SUCLG2: variants seen among roughly 807,000 people sequenced by gnomAD.
The protein encoded by SUCLG2 is succinate-CoA ligase GDP-forming subunit beta, also known as succinate--CoA ligase [GDP-forming] subunit beta, mitochondrial.
Under a neutral mutation model 47.9 loss-of-function variants are expected in SUCLG2, and 42 were observed. The ratio of observed to expected loss-of-function variants is 0.88; its 90% CI spans 0.69 to 1.14. The LOEUF is 1.14. SUCLG2 is among the 50% of genes most tolerant of loss of function. The pLI, the probability that SUCLG2 is intolerant of heterozygous loss-of-function variation, is 0.00. For synonymous variants in SUCLG2, 195 were observed against 197.3 expected (o/e 0.99, Z 0.10); for missense variants, 571 against 525.9 (o/e 1.09, Z -0.84).
intron 5 of SUCLG2, among the ~76,000 whole-genome samples, chr3:67,519,554 G>C (rs982913180): frequency 6.6e-6 from 1 of 152,026 alleles, no homozygotes; most frequent in African/African-American, 2.4e-5. Context: ...CATTCAAGTC[G>C]CAGTTTCCAA....
At chr3:67,568,098 C>A (rs763261016) in intron 2 of SUCLG2, among the ~76,000 whole-genome samples, 4 of 152,140 alleles carry the variant, frequency 2.6e-5, no homozygotes, top group Non-Finnish European at 4.4e-5. Flanking sequence ...ACCAGGACAG[C>A]AAAAGAACTG....
At chr3:67,400,347 C>A (rs1702655572) in intron 10 of SUCLG2, among the ~76,000 whole-genome samples, 2 of 151,824 alleles carry the variant, frequency 1.3e-5, no homozygotes, top group Non-Finnish European at 2.9e-5. Context: ...TCAATTAAAT[C>A]AATTAATAAA....
chr3:67,379,391 C>G (rs1320014030), intron 10 of SUCLG2, among the ~76,000 whole-genome samples: 1 of 152,226 alleles, frequency 6.6e-6, no homozygotes, highest in East Asian at 1.9e-4. Context: ...TCCTCCATTT[C>G]AGATCCTGCT....
chr3:67,517,441 A>G (rs1479861978), intron 6 of SUCLG2, among the ~76,000 whole-genome samples: 1 of 152,160 alleles, frequency 6.6e-6, no homozygotes, highest in African/African-American at 2.4e-5. Flanking sequence ...GCACACATAC[A>G]CACAATCTAG....
intron 2 of SUCLG2, among the ~76,000 whole-genome samples, chr3:67,571,134 G>A (rs538610185): frequency 6.6e-6 from 1 of 152,100 alleles, no homozygotes; most frequent in South Asian, 2.1e-4. Context: ...TAATTTACCT[G>A]GTAATTACAG....
chr3:67,478,454 T>C (rs1033093764), intron 9 of SUCLG2, among the ~76,000 whole-genome samples: 2 of 152,210 alleles, frequency 1.3e-5, no homozygotes, highest in Non-Finnish European at 2.9e-5. Context: ...ACATATATAA[T>C]GACCCTTTCG....
At chr3:67,577,081 T>C (rs1219939297) in intron 2 of SUCLG2, among the ~76,000 whole-genome samples, 1 of 152,148 alleles carries the variant, frequency 6.6e-6, no homozygotes, top group Admixed American at 6.5e-5. Context: ...ACACCTGTAA[T>C]CCCAGCATTT....
chr3:67,409,216 T>C (rs994618104), intron 9 of SUCLG2, among the ~76,000 whole-genome samples: 5 of 149,864 alleles, frequency 3.3e-5, no homozygotes, highest in African/African-American at 1.2e-4. Flanking sequence ...GAGTGGGGCC[T>C]GGCCTTCAAA....
intron 6 of SUCLG2, among the ~76,000 whole-genome samples, chr3:67,517,705 G>C (rs1461276203): frequency 3.3e-5 from 5 of 152,202 alleles, no homozygotes; most frequent in Admixed American, 2.6e-4. Context: ...AAAATATCAA[G>C]TTTATGCCAT....
intron 2 of SUCLG2, among the ~76,000 whole-genome samples, chr3:67,556,658 C>A (rs1707168816): frequency 6.6e-6 from 1 of 152,158 alleles, no homozygotes; most frequent in Non-Finnish European, 1.5e-5. Flanking sequence ...AAGTCACAGA[C>A]CTTCTTCCCA....
chr3:67,405,142 A>C (rs2106823755), intron 9 of SUCLG2, among the ~76,000 whole-genome samples: 1 of 152,324 alleles, frequency 6.6e-6, no homozygotes, highest in Non-Finnish European at 1.5e-5. Context: ...CTAATGAGGC[A>C]GTTGAAGTGC....
At chr3:67,397,646 C>A in intron 10 of SUCLG2, among the ~76,000 whole-genome samples, 1 of 152,124 alleles carries the variant, frequency 6.6e-6, no homozygotes, top group Non-Finnish European at 1.5e-5. Flanking sequence ...CAATGACTTT[C>A]TTCACAGAAT....
intron 3 of SUCLG2, 74 bp from the exon 4 acceptor site, chr3:67,528,296 C>G: frequency 7.5e-7 from 1 of 1,333,102 alleles, no homozygotes; most frequent in Non-Finnish European, 1.1e-6. Context: ...TTACACAGAG[C>G]CTCATGTCTA....
intron 4 of SUCLG2, among the ~76,000 whole-genome samples, chr3:67,524,627 C>G (rs1016381800): frequency 3.9e-5 from 6 of 152,254 alleles, no homozygotes; most frequent in Admixed American, 2.0e-4. Context: ...AATTTAGAAT[C>G]AAAAGGTTCT....
chr3:67,545,244 C>A (rs536870354), intron 2 of SUCLG2, among the ~76,000 whole-genome samples: 2 of 152,274 alleles, frequency 1.3e-5, no homozygotes, highest in Admixed American at 1.3e-4. Flanking sequence ...TTCCAGACAA[C>A]AGCTTGATGT....
At chr3:67,419,424 T>C (rs1285410411) in intron 9 of SUCLG2, among the ~76,000 whole-genome samples, 1 of 152,032 alleles carries the variant, frequency 6.6e-6, no homozygotes, top group Admixed American at 6.5e-5. Flanking sequence ...TCTAATTGTC[T>C]GACTCTGGCT....
chr3:67,406,187 A>G (rs1327326971), intron 9 of SUCLG2, among the ~76,000 whole-genome samples: 4 of 152,224 alleles, frequency 2.6e-5, no homozygotes, highest in Non-Finnish European at 2.9e-5. Flanking sequence ...TAAAAAATTC[A>G]GCTCTTTTTA....
intron 9 of SUCLG2, among the ~76,000 whole-genome samples, chr3:67,479,965 G>A (rs1429883675): frequency 2.6e-5 from 4 of 152,132 alleles, no homozygotes. Context: ...ACTTTAGAAT[G>A]GATACAGTCC....
chr3:67,471,836 C>A (rs1419325258), intron 9 of SUCLG2, among the ~76,000 whole-genome samples: 1 of 152,130 alleles, frequency 6.6e-6, no homozygotes, highest in Non-Finnish European at 1.5e-5. Flanking sequence ...ATGGAGCAAA[C>A]CACATCCATA....
Sources: gnomAD v4.1 joint callset for allele counts (sites outside exome capture counted in the v4.1 genomes callset) on GRCh38, gnomAD v4.1.1 for gene constraint, MANE v1.5 for transcripts, NCBI Gene and HGNC (gene_info 2026-07-23, HGNC 2026-07-21) for gene names.